CFAP54: variants seen among roughly 807,000 people sequenced by gnomAD.
CFAP54 encodes the protein cilia- and flagella-associated protein 54.
CFAP54 carries 290 observed loss-of-function variants against 370.4 expected under a neutral mutation model. The observed-to-expected ratio is 0.78, with a 90% CI of 0.71 to 0.86. CFAP54 has a LOEUF of 0.86. CFAP54 is among the 40% of genes least tolerant of loss of function. The pLI is 0.00. For synonymous variants in CFAP54, 1,206 were observed against 1,236.5 expected, an observed-to-expected ratio of 0.98 and a Z score of 0.52; for missense variants, 3,399 against 3,528.7, an observed-to-expected ratio of 0.96 and a Z score of 0.93.
chr12:96,496,003 G>A (rs1342708891), intron 1 of CFAP54, among the ~76,000 whole-genome samples: 3 of 152,074 alleles, frequency 2.0e-5, no homozygotes, highest in Admixed American at 6.6e-5. Context: ...GTGGCATTTC[G>A]TGAAGCAGCA....
rs1055769641 is a variant in CFAP54 at position 96,817,796 on chromosome 12, A to G, written c.8979A>G (p.Lys2993=). The change falls in exon 65 of 68, where the codon AAA becomes AAG. Residue 2993 remains lysine (K), a synonymous_variant. Coordinates refer to ENST00000524981, the MANE Select transcript of CFAP54 (RefSeq NM_001306084.2). ...TCAGGGTTATTGCAATTCATGAGAA[A>G]TTATCTAATCTTGCTCAAATAGCTG... ...PLNRVIAIHE[K]LSNLAQIAEL... is the part of the protein sequence containing the mutation. 5.4e-6 allele frequency: 8 copies of G among 1,479,624 alleles called. No individual in the cohort carries two copies. The African/African-American group carries it at 1.1e-4, about 21-fold the overall frequency. The allele number at this position is 1,479,624 out of a possible 1,614,324, so 91.7% of individuals were successfully genotyped here.
intron 50 of CFAP54, among the ~76,000 whole-genome samples, chr12:96,734,831 A>G (rs1311648049): frequency 1.3e-5 from 2 of 152,222 alleles, no homozygotes; most frequent in Admixed American, 6.5e-5. Flanking sequence ...TTTAATTTTT[A>G]TAAGTACAAT....
At chr12:96,833,638 A>G (rs1959177624) in intron 66 of CFAP54, among the ~76,000 whole-genome samples, 1 of 151,940 alleles carries the variant, frequency 6.6e-6, no homozygotes, top group Non-Finnish European at 1.5e-5. Flanking sequence ...ATCCTAGGTC[A>G]AGATATCAGA....
intron 65 of CFAP54, among the ~76,000 whole-genome samples, chr12:96,822,897 T>TTTTG (rs71307520): frequency 0.31 from 46,447 of 151,778 alleles, 7,451 homozygotes; most frequent in South Asian, 0.54. Context: ...ATGTAGAGAT[T>TTTTG]TTTGTTTCTT....
Position 96,850,926 on chromosome 12 carries a change from C to T in CFAP54, c.9172-9893C>T, listed in dbSNP as rs574517775. 2.6e-5 allele frequency among the ~76,000 whole-genome samples: 4 copies of T among 152,274 alleles called. No homozygotes were observed. The East Asian group carries it at 5.8e-4, about 22-fold the overall frequency. ...GATCCAATCACCTCCCACCAGTTCCCTTCCTTGACAGGTGGTGATTACAAT... is the reference window on the plus strand; with the variant it reads ...GATCCAATCACCTCCCACCAGTTCCTTTCCTTGACAGGTGGTGATTACAAT... On this transcript the variant is annotated intron_variant, in intron 66 of 67. Transcript: ENST00000524981.
In CFAP54 at chr12:96,753,804, A is replaced by G. The variant is rs1349533347; in HGVS notation, c.7746A>G (p.Leu2582=). 1 of 1,613,932 alleles carries G rather than the reference A, an allele frequency of 6.2e-7. No homozygotes were observed. Among genetic ancestry groups the G allele is most frequent in the Non-Finnish European group, 8.5e-7 (1 of 1,179,962 alleles). The change falls in exon 56 of 68, where the codon TTA becomes TTG. Residue 2582 remains leucine, a synonymous_variant. Coordinates refer to ENST00000524981, the MANE Select transcript of CFAP54 (RefSeq NM_001306084.2). Reference sequence around the variant, plus strand: ...AAAGGAAGGACCCCTCGAAGTGGTTACCTGCTCTTCATCTGTTTGATGTGG... The same window carrying G: ...AAAGGAAGGACCCCTCGAAGTGGTTGCCTGCTCTTCATCTGTTTGATGTGG... The part of the protein sequence containing the change: ...KNKRKDPSKW[L]PALHLFDVAL...
At position 96,811,862 on chromosome 12, in the gene CFAP54, C is replaced by A; in HGVS notation, c.8957+20C>A. The A allele has an allele frequency of 7.5e-7, 1 of 1,337,314 alleles. No homozygotes were observed. The highest frequency in any genetic ancestry group is 1.0e-6 in the Non-Finnish European group (1 of 991,488). The allele number at this position is 1,337,314 out of a possible 1,614,324, so 82.8% of individuals were successfully genotyped here. A position where few individuals can be genotyped will look rare whatever the true frequency, so the allele number is the denominator to read the frequency against. ...GAATAGGCAAGTAAAAATTCCACAA[C>A]TCGAATTGTCTTTGTTGTTATCTCT... On this transcript the variant is annotated intron_variant, in intron 64 of 67. Coordinates refer to ENST00000524981, the MANE Select transcript of CFAP54 (RefSeq NM_001306084.2).
At chr12:96,539,541 G>T (rs1190972302) in intron 13 of CFAP54, among the ~76,000 whole-genome samples, 1 of 151,958 alleles carries the variant, frequency 6.6e-6, no homozygotes, top group Non-Finnish European at 1.5e-5. Context: ...TGGACATGGT[G>T]GTGTGTGCCT....
At chr12:96,733,542 G>GTTTTTTT (rs35984233) in intron 50 of CFAP54, among the ~76,000 whole-genome samples, 4 of 139,044 alleles carry the variant, frequency 2.9e-5, no homozygotes, top group African/African-American at 1.0e-4. Flanking sequence ...AATCCTGTGG[G>GTTTTTTT]TTTTTTTTTT....
chr12:96,552,432 C>T (rs1444990973), intron 15 of CFAP54, among the ~76,000 whole-genome samples: 7 of 151,946 alleles, frequency 4.6e-5, no homozygotes, highest in Non-Finnish European at 1.0e-4. Context: ...CAGCCTCTGC[C>T]TCCCGGGTTC....
rs35808224 is a variant in CFAP54, at chr12:96,503,239, TTCTCTC to T, written c.424-639_424-634del. Among the ~76,000 whole-genome samples the T allele has an allele frequency of 6.3e-5, 9 of 143,842 alleles. No homozygotes were observed. The South Asian group carries it at 2.0e-3, about 32-fold the overall frequency. 94.4% of individuals were successfully genotyped at this position (143,842 alleles called of 152,430 possible). A position where few individuals can be genotyped will look rare whatever the true frequency, so the allele number is the denominator to read the frequency against. On this transcript the variant is annotated intron_variant, in intron 2 of 67. Transcript: ENST00000524981. ...CTTTCCTTTTTTTTCCTTCCTTTCTTTCTCTCTCTCTCTTTCACTTCCTTTCTTCCC... is the reference window on the plus strand; with the variant it reads ...CTTTCCTTTTTTTTCCTTCCTTTCTTTCTCTCTTTCACTTCCTTTCTTCCC...
intron 4 of CFAP54, among the ~76,000 whole-genome samples, chr12:96,511,631 C>T (rs1395631216): frequency 1.3e-5 from 2 of 151,490 alleles, no homozygotes; most frequent in Non-Finnish European, 2.9e-5. Flanking sequence ...ATTACAGGTG[C>T]ACACCATCAT....
chr12:96,693,975 G>A (rs1213352331), intron 45 of CFAP54, among the ~76,000 whole-genome samples, 167 bp downstream of exon 45: 3 of 152,204 alleles, frequency 2.0e-5, no homozygotes, highest in African/African-American at 7.2e-5. Context: ...GAAAGAGCCA[G>A]TCAGAAAGGT....
chr12:96,658,401 A>G (rs1956949678), intron 38 of CFAP54, 55 bp downstream of exon 38: 5 of 1,568,072 alleles, frequency 3.2e-6, no homozygotes, highest in African/African-American at 1.4e-5. Flanking sequence ...ATTAGTCCAC[A>G]TATAAAATAC....
chr12:96,861,960 G>A (rs1959889999), intron 67 of CFAP54, among the ~76,000 whole-genome samples: 1 of 152,066 alleles, frequency 6.6e-6, no homozygotes, highest in African/African-American at 2.4e-5. Flanking sequence ...TTTTTCTAAA[G>A]CTAAATTGGT....
intron 58 of CFAP54, among the ~76,000 whole-genome samples, chr12:96,760,284 A>G (rs1483749640): frequency 6.6e-6 from 1 of 152,164 alleles, no homozygotes; most frequent in Non-Finnish European, 1.5e-5. Flanking sequence ...AAAAAACTAG[A>G]GGTATAATTT....
intron 17 of CFAP54, among the ~76,000 whole-genome samples, chr12:96,559,430 G>T (rs1955792582): frequency 1.3e-5 from 2 of 151,972 alleles, no homozygotes; most frequent in Non-Finnish European, 2.9e-5. Flanking sequence ...GTTAACTGTG[G>T]TAAACTGTTC....
chr12:96,535,648 T>C, intron 12 of CFAP54, 48 bp downstream of exon 12: 1 of 1,299,130 alleles, frequency 7.7e-7, no homozygotes, highest in South Asian at 1.3e-5. Context: ...AAGGAGGTTT[T>C]TGTGCCTAAC....
intron 15 of CFAP54, among the ~76,000 whole-genome samples, chr12:96,553,298 G>T (rs1200426942): frequency 6.6e-6 from 1 of 151,998 alleles, no homozygotes; most frequent in Non-Finnish European, 1.5e-5. Flanking sequence ...GTTTTAAAAG[G>T]AGCCTACAGA....
Sources: allele counts gnomAD v4.1 joint callset (sites outside exome capture counted in the v4.1 genomes callset), GRCh38; gene constraint gnomAD v4.1.1; transcripts MANE v1.5; gene names NCBI Gene and HGNC (gene_info 2026-07-23, HGNC 2026-07-21).